The following ZNF680 variants were observed in gnomAD, a reference collection of about 807,000 sequenced individuals.
ZNF680 encodes the protein hypothetical protein FLJ90430.
In ZNF680, 6 loss-of-function variants were observed where a neutral mutation model predicts 12.1. That is an observed-to-expected ratio of 0.49 (90% confidence interval 0.27 to 0.98). The LOEUF (loss-of-function observed/expected upper bound fraction) is 0.98, where lower values mean the gene tolerates loss of function less well. Ranked by LOEUF, ZNF680 falls within the 50% of genes least tolerant of loss-of-function variation. The pLI, the probability that ZNF680 is intolerant of heterozygous loss-of-function variation, is 0.12. For missense variants in ZNF680, 561 were observed against 616.3 expected, an observed-to-expected ratio of 0.91 and a Z score of 0.95; for synonymous variants, 170 against 199.3, an observed-to-expected ratio of 0.85 and a Z score of 1.24.
intron 1 of ZNF680, among the ~76,000 whole-genome samples, chr7:64,553,308 T>A (rs1265921014): frequency 6.6e-6 from 1 of 152,112 alleles, no homozygotes; most frequent in Non-Finnish European, 1.5e-5. Context: ...TATATTTCAA[T>A]AAAGCAGAGA....
At chr7:64,535,266 G>C (rs1025160322) in intron 3 of ZNF680, among the ~76,000 whole-genome samples, 3 of 152,126 alleles carry the variant, frequency 2.0e-5, no homozygotes, top group African/African-American at 7.2e-5. Context: ...TGGAGACGCT[G>C]AAGTTAGAGA....
intron 1 of ZNF680, among the ~76,000 whole-genome samples, chr7:64,557,250 CA>C (rs879710584): frequency 1.7e-3 from 217 of 127,264 alleles, no homozygotes; most frequent in Middle Eastern, 5.1e-3. Flanking sequence ...GACACTGTCT[CA>C]AAAAAAAAAA....
At chr7:64,535,373 C>T (rs1171857954) in intron 3 of ZNF680, among the ~76,000 whole-genome samples, 1 of 72,812 alleles carries the variant, frequency 1.4e-5, no homozygotes, top group Non-Finnish European at 2.5e-5. Flanking sequence ...CAAGAAAGAA[C>T]AAAAGAAAGA....
At chr7:64,499,199 T>G in the ZNF680 span, among the ~76,000 whole-genome samples, 2 of 152,364 alleles carry the variant, frequency 1.3e-5, no homozygotes, top group African/African-American at 2.4e-5. Flanking sequence ...TTCTTATTTT[T>G]AAATATTTAC....
intron 1 of ZNF680, among the ~76,000 whole-genome samples, chr7:64,559,010 A>T (rs1263638633): frequency 6.6e-6 from 1 of 152,296 alleles, no homozygotes; most frequent in African/African-American, 2.4e-5. Context: ...CTACATTCCC[A>T]TGAGGCTCTG....
chr7:64,511,803 A>C, the ZNF680 span, among the ~76,000 whole-genome samples: 1 of 152,218 alleles, frequency 6.6e-6, no homozygotes, highest in Non-Finnish European at 1.5e-5. Flanking sequence ...TCATGCCTGT[A>C]ATCCCAGCAC....
chr7:64,507,494 T>C, the ZNF680 span, among the ~76,000 whole-genome samples: 84 of 151,004 alleles, frequency 5.6e-4, no homozygotes, highest in African/African-American at 1.5e-3. Flanking sequence ...TTGATATACA[T>C]ATGTTATTCA....
the ZNF680 span, among the ~76,000 whole-genome samples, chr7:64,513,490 T>A: frequency 5.9e-5 from 9 of 152,116 alleles, no homozygotes; most frequent in Non-Finnish European, 1.3e-4. Context: ...AATCAACTCT[T>A]AGCAAAATTT....
intron 3 of ZNF680, among the ~76,000 whole-genome samples, chr7:64,533,622 C>T (rs1786001107): frequency 1.3e-5 from 2 of 152,034 alleles, no homozygotes; most frequent in Admixed American, 1.3e-4. Flanking sequence ...AATACAATCC[C>T]CATCAAAATA....
intron 3 of ZNF680, chr7:64,526,305 G>C: frequency 8.5e-7 from 1 of 1,172,294 alleles, no homozygotes; most frequent in Non-Finnish European, 1.1e-6. Context: ...TTCAAGATTA[G>C]TGTACTTTAA....
chr7:64,500,151 C>G, the ZNF680 span, among the ~76,000 whole-genome samples: 2 of 152,166 alleles, frequency 1.3e-5, no homozygotes, highest in African/African-American at 4.8e-5. Flanking sequence ...ACTGTCAAGC[C>G]ACCCTTCGTG....
intron 1 of ZNF680, among the ~76,000 whole-genome samples, chr7:64,559,215 G>T (rs1447317049): frequency 1.3e-5 from 2 of 152,128 alleles, no homozygotes; most frequent in African/African-American, 4.8e-5. Context: ...TTTACTTTTG[G>T]CATAGTGAGT....
intron 3 of ZNF680, among the ~76,000 whole-genome samples, chr7:64,526,863 A>G (rs1416050098): frequency 1.3e-5 from 2 of 152,262 alleles, no homozygotes; most frequent in African/African-American, 4.8e-5. Context: ...TGTAATCTCC[A>G]CTTTTCAAGA....
chr7:64,508,407 A>C, the ZNF680 span, among the ~76,000 whole-genome samples: 1 of 152,218 alleles, frequency 6.6e-6, no homozygotes, highest in African/African-American at 2.4e-5. Context: ...AGATTGACTG[A>C]TTAGAATTAA....
intron 3 of ZNF680, among the ~76,000 whole-genome samples, chr7:64,528,336 T>C (rs186624498): frequency 0.013 from 2,025 of 152,208 alleles, 38 homozygotes; most frequent in Non-Finnish European, 0.015. Context: ...ATCCATCAAA[T>C]CCATCCTGCA....
In ZNF680 at chr7:64,521,248, G is replaced by A. The variant is rs1362181757; in HGVS notation, c.1506C>T (p.Ser502=). The change falls in exon 4 of 4, where the codon TCC becomes TCT. Residue 502 remains serine, a synonymous_variant. Coordinates refer to ENST00000309683, the MANE Select transcript of ZNF680 (RefSeq NM_178558.5). ...CEECGKAFNR[S]SHLTRHKKIH... is the part of the protein sequence containing the mutation. ...TTTTCTTATGTCTAGTAAGGTGTGA[G>A]GACCGGTTAAAAGCTTTGCCACATT... is the stretch of plus-strand genomic sequence containing the variant. 3 of 1,613,572 alleles carry A rather than the reference G, an allele frequency of 1.9e-6. No individual in the cohort carries two copies. The highest frequency in any genetic ancestry group is 2.5e-6 in the Non-Finnish European group (3 of 1,179,656).
intron 1 of ZNF680, among the ~76,000 whole-genome samples, chr7:64,546,857 C>T (rs1045678992): frequency 6.6e-6 from 1 of 152,168 alleles, no homozygotes; most frequent in African/African-American, 2.4e-5. Context: ...CTACCAAACC[C>T]GAACAGAACA....
chr7:64,546,498 C>G lies in ZNF680; in HGVS notation c.31-2066G>C, dbSNP rs191772937. ...GGCTCAGGCCAATAATCCTAGCATA[C>G]CGGGAGGCCGAGGCAGGTGGATTGC... On this transcript the variant is annotated intron_variant, in intron 1 of 3. Coordinates refer to ENST00000309683, the MANE Select transcript of ZNF680 (RefSeq NM_178558.5). 3.2e-3 allele frequency among the ~76,000 whole-genome samples: 491 copies of G among 152,260 alleles called. 9 individuals carry two copies. The highest frequency in any genetic ancestry group is 0.016 in the South Asian group (79 of 4,824).
At chr7:64,518,303 C>T (rs1562727916), downstream of ZNF680, among the ~76,000 whole-genome samples, 1 of 151,840 alleles carries the variant, frequency 6.6e-6, no homozygotes, top group East Asian at 1.9e-4. Flanking sequence ...AGAATTAAAT[C>T]AAGAATGCAA....
Sources: allele counts gnomAD v4.1 joint callset (sites outside exome capture counted in the v4.1 genomes callset), GRCh38; gene constraint gnomAD v4.1.1; transcripts MANE v1.5; gene names NCBI Gene and HGNC (gene_info 2026-07-23, HGNC 2026-07-21).